Variants in ANKIB1 observed in about 807,000 individuals in gnomAD.
ANKIB1 encodes the protein ankyrin repeat and IBR domain-containing protein 1.
Under a neutral mutation model 122.1 loss-of-function variants are expected in ANKIB1, and 43 were observed. That is an observed-to-expected ratio of 0.35 (90% CI 0.28 to 0.45). The LOEUF (loss-of-function observed/expected upper bound fraction) is 0.45, where lower values mean the gene tolerates loss of function less well. Ranked by LOEUF, ANKIB1 falls within the 20% of genes least tolerant of loss-of-function variation. The pLI is 1.00. For synonymous variants in ANKIB1, 390 were observed against 442.0 expected (o/e 0.88, Z 1.48); for missense variants, 992 against 1,329.5 (o/e 0.75, Z 3.95).
intron 10 of ANKIB1, among the ~76,000 whole-genome samples, chr7:92,364,347 T>G (rs1804024334): frequency 7.0e-6 from 1 of 143,128 alleles, no homozygotes; most frequent in African/African-American, 2.6e-5. Flanking sequence ...AAAGCCTTTA[T>G]AGATTGTGTT....
intron 5 of ANKIB1, among the ~76,000 whole-genome samples, chr7:92,338,911 CAAAAAAA>C (rs1184392588): frequency 2.4e-4 from 5 of 21,200 alleles, no homozygotes; most frequent in African/African-American, 7.4e-4. Context: ...GACTCCATCT[CAAAAAAA>C]AAAAAAAAAA....
chr7:92,273,081 T>G (rs1801830971), intron 1 of ANKIB1, among the ~76,000 whole-genome samples: 1 of 152,228 alleles, frequency 6.6e-6, no homozygotes, highest in African/African-American at 2.4e-5. Flanking sequence ...AACAATGGAC[T>G]GCATATATTA....
rs368593270 is a variant in ANKIB1, at chr7:92,303,009, C to T, written c.189-4350C>T. 2.7e-5 allele frequency among the ~76,000 whole-genome samples: 4 copies of T among 150,704 alleles called. 1 individual carries two copies. On this transcript the variant is annotated intron_variant, in intron 2 of 19. Coordinates refer to ENST00000265742, the MANE Select transcript of ANKIB1 (RefSeq NM_019004.2). ...ACTGGTGGAATAAAAAGAGTTATTG[C>T]AAGAAATTGAGGCTCTGGGAGAAAA... is the stretch of plus-strand genomic sequence containing the variant.
At chr7:92,284,463 C>G (rs1289349121) in intron 1 of ANKIB1, among the ~76,000 whole-genome samples, 1 of 152,198 alleles carries the variant, frequency 6.6e-6, no homozygotes, top group Non-Finnish European at 1.5e-5. Context: ...TACTGTAATA[C>G]TTTCTAATGC....
chr7:92,367,825 A>G (rs917601999), intron 10 of ANKIB1, among the ~76,000 whole-genome samples: 16 of 152,218 alleles, frequency 1.1e-4, no homozygotes, highest in African/African-American at 1.7e-4. Flanking sequence ...TTCATGGGAC[A>G]TACTCAATAA....
At chr7:92,337,079 G>A (rs901203775) in intron 5 of ANKIB1, among the ~76,000 whole-genome samples, 1 of 152,018 alleles carries the variant, frequency 6.6e-6, no homozygotes, top group African/African-American at 2.4e-5. Context: ...TAATTACATT[G>A]GCTAGCACTC....
chr7:92,332,534 C>T (rs1056892060), intron 5 of ANKIB1, among the ~76,000 whole-genome samples: 4 of 152,138 alleles, frequency 2.6e-5, no homozygotes, highest in African/African-American at 9.7e-5. Flanking sequence ...ATACAAAGGT[C>T]ATTTTCTGAG....
chr7:92,378,004 T>G (rs553243837), intron 11 of ANKIB1, among the ~76,000 whole-genome samples: 2 of 152,280 alleles, frequency 1.3e-5, no homozygotes, highest in South Asian at 4.1e-4. Flanking sequence ...AACCTTGATA[T>G]CTGCTTCACA....
At chr7:92,366,637 T>C (rs1277438343) in intron 10 of ANKIB1, among the ~76,000 whole-genome samples, 1 of 152,206 alleles carries the variant, frequency 6.6e-6, no homozygotes, top group Non-Finnish European at 1.5e-5. Context: ...TCTTTCCAAA[T>C]CAAAACCCCC....
At chr7:92,266,761 G>C (rs373009026) in intron 1 of ANKIB1, among the ~76,000 whole-genome samples, 2 of 152,180 alleles carry the variant, frequency 1.3e-5, no homozygotes. Context: ...AGAAGTTGCC[G>C]ACAGGAAGGT....
chr7:92,345,461 A>T (rs990480170), intron 7 of ANKIB1, among the ~76,000 whole-genome samples: 3 of 152,216 alleles, frequency 2.0e-5, no homozygotes, highest in Non-Finnish European at 4.4e-5. Flanking sequence ...GAAAATCTTT[A>T]AGAATATAGA....
In ANKIB1 at chr7:92,344,960, G is replaced by A. The variant is rs773548438; in HGVS notation, c.997-18G>A. 6.3e-7 allele frequency: 1 copy of A among 1,579,050 alleles called. No individual in the cohort carries two copies. The highest frequency in any genetic ancestry group is 8.7e-7 in the Non-Finnish European group (1 of 1,151,890). ...GAAGTACATTTCTGTTTAAATCATTGTTCTTCTTCATCTCCAGTGTGACAT... is the reference window on the plus strand; with the variant it reads ...GAAGTACATTTCTGTTTAAATCATTATTCTTCTTCATCTCCAGTGTGACAT... On this transcript the variant is annotated intron_variant, in intron 6 of 19. Transcript: ENST00000265742.
chr7:92,320,792 T>C (rs745466223), intron 4 of ANKIB1, among the ~76,000 whole-genome samples: 4 of 152,184 alleles, frequency 2.6e-5, no homozygotes, highest in Non-Finnish European at 5.9e-5. Flanking sequence ...GTACACAGGA[T>C]TCAGAATGAC....
In ANKIB1 at chr7:92,343,139, G is replaced by C. The variant is rs749192724; in HGVS notation, c.903G>C (p.Thr301=). The stretch of plus-strand genomic sequence containing the variant: ...CAAGTGGGTATAATGCCTGGGACAC[G>C]CTCCCATCTCCAAGAACTCCAAGGA... The part of the protein sequence containing the change: ...PPPSGYNAWD[T]LPSPRTPRTT... Residue 301 remains threonine, a synonymous_variant, in exon 6 of 20, where the codon ACG becomes ACC. Transcript: ENST00000265742. 5.0e-6 allele frequency: 8 copies of C among 1,613,654 alleles called. No homozygotes were observed. The highest frequency in any genetic ancestry group is 1.3e-5 in the African/African-American group (1 of 74,836).
intron 9 of ANKIB1, among the ~76,000 whole-genome samples, chr7:92,356,246 T>C (rs951772496): frequency 6.6e-6 from 1 of 152,188 alleles, no homozygotes; most frequent in Non-Finnish European, 1.5e-5. Flanking sequence ...ACAAAATAGA[T>C]GAAGCAATCT....
chr7:92,254,118 A>G (rs1356604756), intron 1 of ANKIB1, among the ~76,000 whole-genome samples: 1 of 152,200 alleles, frequency 6.6e-6, no homozygotes, highest in Non-Finnish European at 1.5e-5. Flanking sequence ...ACCGGCAGAT[A>G]TGAAAGTGGT....
At chr7:92,320,204 C>T (rs1802877578) in intron 4 of ANKIB1, among the ~76,000 whole-genome samples, 1 of 152,136 alleles carries the variant, frequency 6.6e-6, no homozygotes, top group Non-Finnish European at 1.5e-5. Context: ...TCAACCCTTC[C>T]CTAGCCCTGT....
At chr7:92,389,092 C>T (rs899136404) in intron 14 of ANKIB1, among the ~76,000 whole-genome samples, 2 of 152,088 alleles carry the variant, frequency 1.3e-5, no homozygotes, top group East Asian at 3.8e-4. Flanking sequence ...ATTATTGCTT[C>T]TATTCAACAT....
Position 92,246,061 on chromosome 7 carries a change from AG to A in ANKIB1, c.-546del. On this transcript the variant is annotated 5_prime_UTR_variant, in exon 1 of 20. Coordinates refer to ENST00000265742, the MANE Select transcript of ANKIB1 (RefSeq NM_019004.2). Reference sequence around the variant, plus strand: ...GCTGGTGGCAGGCGACTAGGAGACTAGGGTGGTGGCGGTGGGGGTGCCAGCG... The same window carrying A: ...GCTGGTGGCAGGCGACTAGGAGACTAGGTGGTGGCGGTGGGGGTGCCAGCG... The A allele has an allele frequency of 3.6e-6, 1 of 278,780 alleles. No homozygotes were observed. Among genetic ancestry groups the A allele is most frequent in the Non-Finnish European group, 6.9e-6 (1 of 144,104 alleles). The allele number at this position is 278,780 out of a possible 1,614,324, so 17.3% of individuals were successfully genotyped here.
Sources: gnomAD v4.1 joint callset for allele counts (sites outside exome capture counted in the v4.1 genomes callset) on GRCh38, gnomAD v4.1.1 for gene constraint, MANE v1.5 for transcripts, NCBI Gene and HGNC (gene_info 2026-07-23, HGNC 2026-07-21) for gene names.